ACSBG1: variants seen among roughly 807,000 people sequenced by gnomAD.
ACSBG1 encodes the protein acyl-CoA synthetase bubblegum family member 1, also known as long-chain-fatty-acid--CoA ligase ACSBG1.
A neutral mutation model predicts 80.2 loss-of-function variants in ACSBG1; 39 were observed. The observed-to-expected ratio is 0.49, with a 90% CI of 0.38 to 0.64. The LOEUF (loss-of-function observed/expected upper bound fraction) is 0.64. Ranked by LOEUF, ACSBG1 falls within the 30% of genes least tolerant of loss-of-function variation. The probability of loss-of-function intolerance (pLI) is 0.00; values close to 1 mark genes in which losing one functional copy is unlikely to be tolerated. For missense variants in ACSBG1, 828 were observed against 966.4 expected, an observed-to-expected ratio of 0.86 and a Z score of 1.90; for synonymous variants, 392 against 379.5, an observed-to-expected ratio of 1.03 and a Z score of -0.38.
At chr15:78,185,042 C>A (rs425021) in intron 5 of ACSBG1, among the ~76,000 whole-genome samples, 1 of 92,740 alleles carries the variant, frequency 1.1e-5, no homozygotes, top group Non-Finnish European at 2.1e-5. Flanking sequence ...GAGAAAGGGG[C>A]GGAGGGGAGG....
intron 1 of ACSBG1, among the ~76,000 whole-genome samples, chr15:78,223,372 CA>C (rs1215204403): frequency 6.6e-6 from 1 of 152,100 alleles, no homozygotes; most frequent in Non-Finnish European, 1.5e-5. Context: ...TACAGCAAAC[CA>C]CCATGGCACA....
intron 1 of ACSBG1, among the ~76,000 whole-genome samples, chr15:78,227,539 G>C (rs111258287): frequency 1.7e-4 from 26 of 152,100 alleles, no homozygotes; most frequent in South Asian, 6.2e-4. Context: ...AAACTAAAAA[G>C]AGTAACAATA....
Position 78,173,705 on chromosome 15 carries a change from C to T in ACSBG1, c.1977G>A (p.Gln659=), listed in dbSNP as rs775087154. 33 of 1,614,110 alleles carry T rather than the reference C, an allele frequency of 2.0e-5. No individual in the cohort carries two copies. Among genetic ancestry groups the T allele is most frequent in the Non-Finnish European group, 2.7e-5 (32 of 1,180,042 alleles). The change falls in exon 13 of 14, where the codon CAG becomes CAA. Residue 659 remains glutamine, a synonymous_variant. Transcript: ENST00000258873. ...IIEKKDEAVY[Q]AIEEGIRRVN... is the part of the protein sequence containing the mutation. ...CCCTCCGGATCCCCTCTTCGATGGC[C>T]TGGTACACGGCCTCATCCTTCTTCT...
intron 1 of ACSBG1, chr15:78,212,703 G>A (rs1329846044): frequency 4.7e-6 from 2 of 423,482 alleles, no homozygotes; most frequent in Admixed American, 5.0e-5. Context: ...CAGCCCCAGA[G>A]AGGCCCGGCT....
Position 78,171,243 on chromosome 15 carries a change from A to G in ACSBG1, c.*201T>C, listed in dbSNP as rs765761348. ...GCAATACTTAAACTGAATTAAAACTACCCACACGTGAAGCTTCTTGGAATT... is the reference window on the plus strand; with the variant it reads ...GCAATACTTAAACTGAATTAAAACTGCCCACACGTGAAGCTTCTTGGAATT... On this transcript the variant is annotated 3_prime_UTR_variant, in exon 14 of 14. Coordinates refer to ENST00000258873, the MANE Select transcript of ACSBG1 (RefSeq NM_015162.5). The G allele has an allele frequency of 2.1e-5, 10 of 486,596 alleles. No individual in the cohort carries two copies. The highest frequency in any genetic ancestry group is 3.7e-5 in the Non-Finnish European group (10 of 270,390). 30.1% of individuals were successfully genotyped at this position (486,596 alleles called of 1,614,324 possible).
chr15:78,193,832 G>T, intron 4 of ACSBG1, 100 bp downstream of exon 4: 1 of 1,478,552 alleles, frequency 6.8e-7, no homozygotes, highest in South Asian at 1.2e-5. Flanking sequence ...GCAGGATGGT[G>T]GGGAGTGGGT....
chr15:78,194,395 T>C, intron 3 of ACSBG1, 111 bp downstream of exon 3: 1 of 994,248 alleles, frequency 1.0e-6, no homozygotes, highest in Non-Finnish European at 1.5e-6. Flanking sequence ...TTTACAGTTA[T>C]TGTTCCTAAG....
chr15:78,204,155 C>G (rs921410857), intron 2 of ACSBG1, among the ~76,000 whole-genome samples: 1 of 152,228 alleles, frequency 6.6e-6, no homozygotes, highest in Non-Finnish European at 1.5e-5. Flanking sequence ...CTGGCCACCA[C>G]AGCAGAATGA....
intron 1 of ACSBG1, among the ~76,000 whole-genome samples, chr15:78,227,505 T>C (rs2075414376): frequency 6.6e-6 from 1 of 152,156 alleles, no homozygotes; most frequent in Admixed American, 6.5e-5. Context: ...CACAGCAAGA[T>C]ATCACTATTC....
intron 8 of ACSBG1, among the ~76,000 whole-genome samples, chr15:78,181,403 G>T (rs77501501): frequency 1.3e-5 from 2 of 151,948 alleles, no homozygotes; most frequent in African/African-American, 4.8e-5. Flanking sequence ...TAGCCTTCTG[G>T]TGATACTCTG....
At chr15:78,231,055 T>G (rs184367181) in intron 1 of ACSBG1, among the ~76,000 whole-genome samples, 8 of 152,194 alleles carry the variant, frequency 5.3e-5, no homozygotes, top group African/African-American at 1.9e-4. Flanking sequence ...CCGGGCTCAA[T>G]TGATTTTCCC....
chr15:78,196,259 A>G (rs955145160), intron 2 of ACSBG1, among the ~76,000 whole-genome samples: 5 of 152,208 alleles, frequency 3.3e-5, no homozygotes, highest in African/African-American at 1.2e-4. Flanking sequence ...GACCTCTCCA[A>G]GCCTTGCCCC....
chr15:78,185,106 T>C (rs1245705787), intron 5 of ACSBG1, among the ~76,000 whole-genome samples: 1 of 151,584 alleles, frequency 6.6e-6, no homozygotes, highest in African/African-American at 2.4e-5. Context: ...GTTGTCTTAC[T>C]GAGTTGAGGT....
chr15:78,194,612 T>A lies in ACSBG1; in HGVS notation c.347A>T (p.Tyr116Phe), dbSNP rs2034529836. ...HRMFYEALDK[Y>F]GDLIALGFKR... ...GAAGCCCAAAGCGATGAGGTCCCCA[T>A]ACTTATCCAGGGCCTCGTAGAACAT... Residue 116 changes from tyrosine (Y) to phenylalanine (F), a missense_variant, in exon 3 of 14, where the codon TAT becomes TTT. Around this residue, in one of 3 missense-constraint regions of ACSBG1, gnomAD observed 356 missense variants for 363.5 expected, o/e 0.98. Transcript: ENST00000258873. 2.5e-6 allele frequency: 4 copies of A among 1,614,148 alleles called. No homozygotes were observed. Among genetic ancestry groups the A allele is most frequent in the African/African-American group, 1.3e-5 (1 of 74,948 alleles).
At chr15:78,174,111 A>G (rs1239903298) in intron 12 of ACSBG1, among the ~76,000 whole-genome samples, 2 of 152,202 alleles carry the variant, frequency 1.3e-5, no homozygotes, top group African/African-American at 4.8e-5. Flanking sequence ...CTGGGGTCCA[A>G]GTACCTGCAG....
chr15:78,204,531 G>A (rs542222362), intron 2 of ACSBG1, among the ~76,000 whole-genome samples: 1 of 152,354 alleles, frequency 6.6e-6, no homozygotes, highest in African/African-American at 2.4e-5. Flanking sequence ...GGCAGGGGCT[G>A]GGTGGGTGCC....
At position 78,234,371 on chromosome 15, in the gene ACSBG1, C is replaced by A; in HGVS notation, c.131G>T (p.Ser44Ile). ...TGCAGAAACCCAACCAATGACTTAC[C>A]TGGTTTTCAATTTTTCTTGGGTGGT... ...VRTTQEKLKT[S>I]SLTDRQPLSK... Residue 44 changes from serine (S) to isoleucine (I), a missense_variant and splice_region_variant, in exon 1 of 14, where the codon AGC (serine) becomes ATC (isoleucine). By Grantham distance (142) the Ser-to-Ile change is moderately radical. Around this residue, in one of 3 missense-constraint regions of ACSBG1, gnomAD observed 356 missense variants for 363.5 expected, o/e 0.98. Transcript: ENST00000258873. The A allele has an allele frequency of 1.2e-6, 2 of 1,610,328 alleles. No individual in the cohort carries two copies. Among genetic ancestry groups the A allele is most frequent in the Non-Finnish European group, 1.7e-6 (2 of 1,179,976 alleles).
intron 11 of ACSBG1, chr15:78,174,733 A>C (rs1310560038): frequency 3.5e-6 from 2 of 576,548 alleles, no homozygotes; most frequent in Non-Finnish European, 6.1e-6. Context: ...TGCTCACCCA[A>C]GTTTCCCTCT....
At position 78,180,769 on chromosome 15, in the gene ACSBG1, G is replaced by A. The variant is rs761346938; in HGVS notation, c.1239C>T (p.Leu413=). The change falls in exon 9 of 14, where the codon CTC becomes CTT. Residue 413 remains leucine (L), a synonymous_variant. Transcript: ENST00000258873. ...WAMSVTLEQN[L]TCPGSDLKPF... is the part of the protein sequence containing the mutation. ...GCCCTCTGTACCTGCCGGGGCAGGT[G>A]AGGTTCTGCTCCAAGGTCACCGACA... 6.2e-7 allele frequency: 1 copy of A among 1,613,950 alleles called. No homozygotes were observed. The highest frequency in any genetic ancestry group is 1.3e-5 in the African/African-American group (1 of 74,946).
Sources: allele counts gnomAD v4.1 joint callset (sites outside exome capture counted in the v4.1 genomes callset), GRCh38; gene constraint gnomAD v4.1.1; regional missense constraint gnomAD v4.1.1; transcripts MANE v1.5; gene names NCBI Gene and HGNC (gene_info 2026-07-23, HGNC 2026-07-21).